DKK2: variants seen among roughly 807,000 people sequenced by gnomAD.
DKK2 encodes dickkopf-related protein 2.
A neutral mutation model predicts 28.1 loss-of-function variants in DKK2; 11 were observed. The ratio of observed to expected loss-of-function variants is 0.39; its 90% CI spans 0.25 to 0.65. The LOEUF (loss-of-function observed/expected upper bound fraction) is 0.65, where lower values mean the gene tolerates loss of function less well. DKK2 is among the 30% of genes least tolerant of loss of function. DKK2 has a pLI of 0.47. For synonymous variants in DKK2, 135 were observed against 126.5 expected, an observed-to-expected ratio of 1.07 and a Z score of -0.45; for missense variants, 326 against 335.5, an observed-to-expected ratio of 0.97 and a Z score of 0.22.
At chr4:106,960,010 T>G (rs781063236) in intron 1 of DKK2, among the ~76,000 whole-genome samples, 24 of 151,872 alleles carry the variant, frequency 1.6e-4, no homozygotes, top group Non-Finnish European at 2.2e-4. Flanking sequence ...ATACTAGATA[T>G]CTAGATATCC....
chr4:106,986,242 T>C (rs1367766606), intron 1 of DKK2, among the ~76,000 whole-genome samples: 7 of 152,208 alleles, frequency 4.6e-5, no homozygotes, highest in Non-Finnish European at 1.5e-5. Context: ...CCTGGAGGCA[T>C]GTTAAGAAGC....
chr4:107,004,067 A>C (rs554168799), intron 1 of DKK2, among the ~76,000 whole-genome samples: 1 of 152,290 alleles, frequency 6.6e-6, no homozygotes, highest in Admixed American at 6.5e-5. Context: ...AGAGAGAGAG[A>C]TACAGAACAA....
chr4:106,931,678 A>G (rs1288746428), intron 1 of DKK2, among the ~76,000 whole-genome samples: 2 of 152,196 alleles, frequency 1.3e-5, no homozygotes, highest in East Asian at 3.9e-4. Context: ...ATTAATCACA[A>G]CATATTTACT....
chr4:107,021,296 T>C (rs1158466543), intron 1 of DKK2, among the ~76,000 whole-genome samples: 1 of 152,058 alleles, frequency 6.6e-6, no homozygotes, highest in Non-Finnish European at 1.5e-5. Context: ...TTAATCAATA[T>C]GTATGATGTT....
Position 106,957,709 on chromosome 4 carries a change from C to G in DKK2, c.223-31760G>C, listed in dbSNP as rs929632822. ...ATAGATGGGAATTGAACAATGAGAA[C>G]ACATGGACACAGGAAGGGGAACATC... On this transcript the variant is annotated intron_variant, in intron 1 of 3. Coordinates refer to ENST00000285311, the MANE Select transcript of DKK2 (RefSeq NM_014421.3). 2.5e-4 allele frequency among the ~76,000 whole-genome samples: 32 copies of G among 126,672 alleles called. No individual in the cohort carries two copies. In the South Asian group the frequency reaches 6.1e-3, roughly 24 times the overall value. The allele number at this position is 126,672 out of a possible 152,430, so 83.1% of individuals were successfully genotyped here.
At chr4:106,967,820 G>GA (rs879813690) in intron 1 of DKK2, among the ~76,000 whole-genome samples, 2 of 149,398 alleles carry the variant, frequency 1.3e-5, no homozygotes, top group Admixed American at 1.4e-4. Context: ...GAGGAAGAAA[G>GA]AAAAAAAGGA....
chr4:106,953,277 C>G (rs1254035764), intron 1 of DKK2, among the ~76,000 whole-genome samples: 1 of 152,164 alleles, frequency 6.6e-6, no homozygotes, highest in African/African-American at 2.4e-5. Context: ...CTCCCTATCA[C>G]TATGTGTTCA....
chr4:106,985,504 A>AT (rs1217853757), intron 1 of DKK2, among the ~76,000 whole-genome samples: 1 of 151,960 alleles, frequency 6.6e-6, no homozygotes, highest in Non-Finnish European at 1.5e-5. Context: ...CTGAAAAAAA[A>AT]GTTTAACTAA....
chr4:106,951,680 G>A (rs979891848), intron 1 of DKK2, among the ~76,000 whole-genome samples: 4 of 152,142 alleles, frequency 2.6e-5, no homozygotes, highest in South Asian at 2.1e-4. Flanking sequence ...CTATATGTGG[G>A]TGGCAGAGCA....
At chr4:107,010,980 CACTT>C (rs897257334) in intron 1 of DKK2, among the ~76,000 whole-genome samples, 6 of 151,540 alleles carry the variant, frequency 4.0e-5, no homozygotes, top group African/African-American at 1.4e-4. Context: ...TTTAATGTCT[CACTT>C]AATAGAAGGC....
intron 1 of DKK2, among the ~76,000 whole-genome samples, chr4:107,006,990 A>G (rs548919511): frequency 6.6e-6 from 1 of 151,692 alleles, no homozygotes; most frequent in Non-Finnish European, 1.5e-5. Flanking sequence ...TTTTCAAAAG[A>G]ACAGTCCTTT....
In DKK2 at chr4:107,035,382, T is replaced by C; in HGVS notation, c.210A>G (p.Lys70=). Residue 70 remains lysine, a synonymous_variant, in exon 1 of 4, where the codon AAA becomes AAG. Transcript: ENST00000285311. ...GLAFGGSKKG[K]NLGQAYPCSS... Reference sequence around the variant, plus strand: ...GGGGTTTTCCTACCTGCCCCAGGTTTTTGCCCTTCTTACTGCCGCCGAATG... The same window carrying C: ...GGGGTTTTCCTACCTGCCCCAGGTTCTTGCCCTTCTTACTGCCGCCGAATG... 2.5e-6 allele frequency: 4 copies of C among 1,614,166 alleles called. No homozygotes were observed. Among genetic ancestry groups the C allele is most frequent in the Non-Finnish European group, 3.4e-6 (4 of 1,180,026 alleles).
intron 1 of DKK2, among the ~76,000 whole-genome samples, chr4:106,928,932 G>T (rs778531882): frequency 6.6e-6 from 1 of 152,150 alleles, no homozygotes; most frequent in Non-Finnish European, 1.5e-5. Context: ...GAGAGAGAGG[G>T]ATAGAGGGTT....
At chr4:107,020,412 G>T (rs1013469019) in intron 1 of DKK2, among the ~76,000 whole-genome samples, 4 of 152,134 alleles carry the variant, frequency 2.6e-5, no homozygotes, top group Non-Finnish European at 5.9e-5. Context: ...AGGGCAAATA[G>T]GCAAACAAGA....
intron 1 of DKK2, among the ~76,000 whole-genome samples, chr4:106,981,130 C>A (rs1249653913): frequency 6.6e-6 from 1 of 151,842 alleles, no homozygotes; most frequent in African/African-American, 2.4e-5. Context: ...GCTATTAAAT[C>A]ATTAGAGGTC....
At chr4:106,938,241 A>T (rs1247847287) in intron 1 of DKK2, among the ~76,000 whole-genome samples, 2 of 150,454 alleles carry the variant, frequency 1.3e-5, no homozygotes, top group African/African-American at 5.0e-5. Context: ...TAAAGAAAAA[A>T]AGAGAGAAGA....
intron 1 of DKK2, among the ~76,000 whole-genome samples, chr4:106,942,771 AT>A (rs991828330): frequency 1.3e-4 from 20 of 151,712 alleles, no homozygotes; most frequent in East Asian, 1.9e-4. Context: ...CTTGTTTCAA[AT>A]TTTTTTTTCC....
At position 106,936,605 on chromosome 4, in the gene DKK2, A is replaced by G. The variant is rs183939006; in HGVS notation, c.223-10656T>C. Reference sequence around the variant, plus strand: ...GGCAGGCCAACATTCAGATTCAGGAAATACAGAGAATGCCACAAGGATACT... The same window carrying G: ...GGCAGGCCAACATTCAGATTCAGGAGATACAGAGAATGCCACAAGGATACT... On this transcript the variant is annotated intron_variant, in intron 1 of 3. Coordinates refer to ENST00000285311, the MANE Select transcript of DKK2 (RefSeq NM_014421.3). Among the ~76,000 whole-genome samples the G allele has an allele frequency of 2.5e-3, 377 of 152,322 alleles. 11 individuals carry two copies. The East Asian group carries it at 0.058, about 23-fold the overall frequency.
At chr4:106,993,840 A>C (rs79902715) in intron 1 of DKK2, among the ~76,000 whole-genome samples, 2 of 152,302 alleles carry the variant, frequency 1.3e-5, no homozygotes, top group East Asian at 3.9e-4. Context: ...TTTAATTTTA[A>C]ATGTTTCATG....
Sources: gnomAD v4.1 joint callset for allele counts (sites outside exome capture counted in the v4.1 genomes callset) on GRCh38, gnomAD v4.1.1 for gene constraint, MANE v1.5 for transcripts, NCBI Gene and HGNC (gene_info 2026-07-23, HGNC 2026-07-21) for gene names.